FRAS1: variants seen among roughly 807,000 people sequenced by gnomAD.
The protein encoded by FRAS1 is extracellular matrix organizing protein FRAS1.
In FRAS1, 290 loss-of-function variants were observed where a neutral mutation model predicts 435.2. The observed-to-expected ratio is 0.67, with a 90% CI of 0.61 to 0.73. FRAS1 has a LOEUF of 0.73. Ranked by LOEUF, FRAS1 falls within the 30% of genes least tolerant of loss-of-function variation. The pLI, the probability that FRAS1 is intolerant of heterozygous loss-of-function variation, is 0.00. For synonymous variants in FRAS1, 1,800 were observed against 1,851.0 expected (o/e 0.97, Z 0.71); for missense variants, 4,860 against 5,001.5 (o/e 0.97, Z 0.85).
At chr4:78,195,236 G>A (rs1578178697) in intron 2 of FRAS1, among the ~76,000 whole-genome samples, 1 of 152,356 alleles carries the variant, frequency 6.6e-6, no homozygotes, top group Non-Finnish European at 1.5e-5. Context: ...CACTTGAGGA[G>A]GCAGTCTGTC....
At chr4:78,341,645 G>A (rs1187004319) in intron 20 of FRAS1, among the ~76,000 whole-genome samples, 1 of 152,168 alleles carries the variant, frequency 6.6e-6, no homozygotes, top group Non-Finnish European at 1.5e-5. Flanking sequence ...AAGCAACAGA[G>A]GTTGGTGCTC....
At chr4:78,083,542 A>C (rs1478927456) in intron 2 of FRAS1, among the ~76,000 whole-genome samples, 4 of 151,858 alleles carry the variant, frequency 2.6e-5, no homozygotes, top group African/African-American at 9.7e-5. Flanking sequence ...AAGCCTAGGA[A>C]CACCCTACCT....
intron 2 of FRAS1, among the ~76,000 whole-genome samples, chr4:78,183,483 T>C (rs1235714185): frequency 6.6e-6 from 1 of 152,154 alleles, no homozygotes; most frequent in East Asian, 1.9e-4. Flanking sequence ...TGCTCAGGAA[T>C]GTGCTCACAG....
At chr4:78,372,893 A>G in intron 24 of FRAS1, 35 bp downstream of exon 24, 2 of 1,599,842 alleles carry the variant, frequency 1.3e-6, no homozygotes, top group Non-Finnish European at 1.7e-6. Context: ...GTGCTCAGCC[A>G]TACCTTGGCC....
chr4:78,364,836 G>C (rs1262374497), intron 22 of FRAS1, among the ~76,000 whole-genome samples: 1 of 152,216 alleles, frequency 6.6e-6, no homozygotes, highest in African/African-American at 2.4e-5. Flanking sequence ...TATTTCAGTT[G>C]TGTGTTCTAG....
chr4:78,331,590 T>C (rs148755560), intron 18 of FRAS1, among the ~76,000 whole-genome samples: 47 of 152,302 alleles, frequency 3.1e-4, no homozygotes, highest in African/African-American at 1.1e-3. Flanking sequence ...TTGGTGGCAA[T>C]GGAGATCTCA....
At chr4:78,193,036 C>T (rs374345823) in intron 2 of FRAS1, among the ~76,000 whole-genome samples, 3 of 152,132 alleles carry the variant, frequency 2.0e-5, no homozygotes, top group Non-Finnish European at 2.9e-5. Context: ...ATGTACCCAG[C>T]AGTCATTCAG....
rs1721421041 is a variant in FRAS1, at chr4:78,522,651, C to G, written c.10651C>G (p.Gln3551Glu). The part of the protein sequence containing the change: ...EFKTHAKFRG[Q>E]FVMEHHTLPE... Reference sequence around the variant, plus strand: ...GCATGTGTTTCCCCTTCAAATAGGACAGTTTGTGATGGAGCATCACACTCT... The same window carrying G: ...GCATGTGTTTCCCCTTCAAATAGGAGAGTTTGTGATGGAGCATCACACTCT... Residue 3551 changes from glutamine (Q) to glutamate (E), a missense_variant and splice_region_variant, in exon 69 of 74, where the codon CAG becomes GAG. Coordinates refer to ENST00000512123, the MANE Select transcript of FRAS1 (RefSeq NM_025074.7). The G allele has an allele frequency of 1.9e-6, 3 of 1,599,202 alleles. No homozygotes were observed. Among genetic ancestry groups the G allele is most frequent in the Non-Finnish European group, 2.6e-6 (3 of 1,172,112 alleles).
chr4:78,263,755 A>G (rs1179547384), intron 6 of FRAS1, among the ~76,000 whole-genome samples: 1 of 152,226 alleles, frequency 6.6e-6, no homozygotes, highest in Non-Finnish European at 1.5e-5. Flanking sequence ...TACTTTGCAT[A>G]TAGAAAAATA....
intron 61 of FRAS1, among the ~76,000 whole-genome samples, chr4:78,505,985 A>T (rs1037926893): frequency 6.6e-6 from 1 of 152,160 alleles, no homozygotes; most frequent in Admixed American, 6.5e-5. Flanking sequence ...TAATAGTCAG[A>T]TCCCTCAGCT....
At chr4:78,531,484 A>T (rs901754230) in intron 70 of FRAS1, among the ~76,000 whole-genome samples, 3 of 152,116 alleles carry the variant, frequency 2.0e-5, no homozygotes, top group Non-Finnish European at 2.9e-5. Context: ...GTTTGTCATA[A>T]ATAGCTCTTA....
intron 47 of FRAS1, among the ~76,000 whole-genome samples, chr4:78,458,701 T>C (rs1719279157): frequency 6.6e-6 from 1 of 152,094 alleles, no homozygotes; most frequent in African/African-American, 2.4e-5. Flanking sequence ...TCTAAAATAA[T>C]TTTTTTAAAC....
At chr4:78,161,171 T>G (rs1016167355) in intron 2 of FRAS1, among the ~76,000 whole-genome samples, 19 of 151,074 alleles carry the variant, frequency 1.3e-4, no homozygotes, top group African/African-American at 4.6e-4. Flanking sequence ...AGAAGCTTTA[T>G]AAAGAAAAGG....
chr4:78,202,071 G>A (rs1263231677), intron 2 of FRAS1, among the ~76,000 whole-genome samples: 1 of 152,088 alleles, frequency 6.6e-6, no homozygotes, highest in Non-Finnish European at 1.5e-5. Context: ...GCATCTAGTG[G>A]GTAGAAGCAA....
At chr4:78,147,036 A>G (rs948133765) in intron 2 of FRAS1, among the ~76,000 whole-genome samples, 2 of 152,162 alleles carry the variant, frequency 1.3e-5, no homozygotes, top group African/African-American at 4.8e-5. Flanking sequence ...GTAGACATCT[A>G]CACAGCAGTT....
intron 55 of FRAS1, among the ~76,000 whole-genome samples, chr4:78,478,535 C>T (rs1719919162): frequency 6.6e-6 from 1 of 151,994 alleles, no homozygotes; most frequent in African/African-American, 2.4e-5. Flanking sequence ...AAGGGCAATT[C>T]TTTTTTTGTT....
At chr4:78,073,139 G>T (rs1332205222) in intron 2 of FRAS1, among the ~76,000 whole-genome samples, 1 of 152,164 alleles carries the variant, frequency 6.6e-6, no homozygotes, top group South Asian at 2.1e-4. Flanking sequence ...CTGTCTCTGA[G>T]AATTTTTTTG....
At chr4:78,060,407 C>T (rs1348082940) in intron 1 of FRAS1, among the ~76,000 whole-genome samples, 1 of 152,162 alleles carries the variant, frequency 6.6e-6, no homozygotes, top group Non-Finnish European at 1.5e-5. Flanking sequence ...CTTGTGACAC[C>T]TTTGCTGACC....
rs565202052 is a variant in FRAS1 at position 78,456,751 on chromosome 4, G to A, written c.6763+4397G>A. 2.6e-5 allele frequency among the ~76,000 whole-genome samples: 4 copies of A among 152,326 alleles called. No individual in the cohort carries two copies. In the South Asian group the frequency reaches 6.2e-4, roughly 24 times the overall value. On this transcript the variant is annotated intron_variant, in intron 47 of 73. Transcript: ENST00000512123. ...TAGGGATGCTATTAACAAATGTCCA[G>A]CAATGAATGGGATAAGCCCTGAACC...
Sources: gnomAD v4.1 joint callset for allele counts (sites outside exome capture counted in the v4.1 genomes callset) on GRCh38, gnomAD v4.1.1 for gene constraint, MANE v1.5 for transcripts, NCBI Gene and HGNC (gene_info 2026-07-23, HGNC 2026-07-21) for gene names.